The following SCD variants were observed in gnomAD, a reference collection of about 807,000 sequenced individuals.
SCD encodes acyl-CoA desaturase.
A neutral mutation model predicts 35.7 loss-of-function variants in SCD; 4 were observed. That is an observed-to-expected ratio of 0.11 (90% confidence interval 0.06 to 0.26). The LOEUF is 0.26. SCD is among the 10% of genes least tolerant of loss of function. SCD has a pLI of 1.00. For synonymous variants in SCD, 150 were observed against 170.2 expected (o/e 0.88, Z 0.92); for missense variants, 282 against 460.7 (o/e 0.61, Z 3.55).
intron 4 of SCD, 92 bp downstream of exon 4, chr10:100,354,724 C>G (rs1261717789): frequency 2.0e-6 from 2 of 1,020,072 alleles, no homozygotes; most frequent in Admixed American, 2.2e-5. Context: ...AAAATATAAG[C>G]TGAGAAATTT....
chr10:100,348,782 A>G (rs1388515242), intron 2 of SCD, among the ~76,000 whole-genome samples: 1 of 152,196 alleles, frequency 6.6e-6, no homozygotes, highest in Non-Finnish European at 1.5e-5. Context: ...GAAACTACTC[A>G]GGGAGAGAGT....
At position 100,358,573 on chromosome 10, in the gene SCD, T is replaced by C. The variant is rs566387148; in HGVS notation, c.880+1809T>C. Among the ~76,000 whole-genome samples, 9 of 119,756 alleles carry C rather than the reference T, an allele frequency of 7.5e-5. No homozygotes were observed. The South Asian group carries it at 2.5e-3, about 33-fold the overall frequency. The allele number at this position is 119,756 out of a possible 152,430, so 78.6% of individuals were successfully genotyped here. ...CGCCACTGCAGTCCGCAGTCCGGCC[T>C]GGGCGACAGAGCGAGACTCCGTCTC... is the stretch of plus-strand genomic sequence containing the variant. On this transcript the variant is annotated intron_variant, in intron 5 of 5. Coordinates refer to ENST00000370355, the MANE Select transcript of SCD (RefSeq NM_005063.5).
chr10:100,363,077 T>G lies in SCD; in HGVS notation c.*2144T>G, dbSNP rs1850005700. 1 of 152,322 alleles carries G rather than the reference T, an allele frequency of 6.6e-6. No individual in the cohort carries two copies. The highest frequency in any genetic ancestry group is 6.5e-5 in the Admixed American group (1 of 15,274). The allele number at this position is 152,322 out of a possible 1,614,324, so 9.4% of individuals were successfully genotyped here. A position where few individuals can be genotyped will look rare whatever the true frequency, so the allele number is the denominator to read the frequency against. On this transcript the variant is annotated 3_prime_UTR_variant, in exon 6 of 6. Transcript: ENST00000370355. Reference sequence around the variant, plus strand: ...AGTGCCTCACCTCGAAAGGAGGCCCTGTTCCCTGGAGTCAGGGTGAACTGC... The same window carrying G: ...AGTGCCTCACCTCGAAAGGAGGCCCGGTTCCCTGGAGTCAGGGTGAACTGC...
At position 100,353,905 on chromosome 10, in the gene SCD, G is replaced by GA. The variant is rs1849898497; in HGVS notation, c.442-518dup. Among the ~76,000 whole-genome samples, 3 of 152,240 alleles carry GA rather than the reference G, an allele frequency of 2.0e-5. No homozygotes were observed. The South Asian group carries it at 6.2e-4, about 31-fold the overall frequency. ...TCATGAAGAAGCCCAGAGGTCGTTT[G>GA]AAAATGCAGTCATGATCACGAGTTG... On this transcript the variant is annotated intron_variant, in intron 3 of 5. Coordinates refer to ENST00000370355, the MANE Select transcript of SCD (RefSeq NM_005063.5).
At position 100,352,297 on chromosome 10, in the gene SCD, G is replaced by T; in HGVS notation, c.311-69G>T. 2 of 1,502,330 alleles carry T rather than the reference G, an allele frequency of 1.3e-6. No homozygotes were observed. The highest frequency in any genetic ancestry group is 2.7e-5 in the African/African-American group (2 of 72,744). 93.1% of individuals were successfully genotyped at this position (1,502,330 alleles called of 1,614,324 possible). ...AGACAGTTTCTAGCATCCAGAGAGT[G>T]TCTCTGGCATCCTTTCCCAGATGGA... On this transcript the variant is annotated intron_variant, in intron 2 of 5. Transcript: ENST00000370355. The surrounding 1 kb of genome is among the most constrained non-coding windows in gnomAD (Gnocchi z 4.2).
In SCD at chr10:100,347,450, C is replaced by G; in HGVS notation, c.-55C>G. The G allele has an allele frequency of 6.2e-7, 1 of 1,601,834 alleles. No homozygotes were observed. Among genetic ancestry groups the G allele is most frequent in the Non-Finnish European group, 8.5e-7 (1 of 1,173,460 alleles). Reference sequence around the variant, plus strand: ...ACCGCAGTCCTCCGGCGACCCCGAACTCCGCTCCGGAGCCTCAGCCCCCTG... The same window carrying G: ...ACCGCAGTCCTCCGGCGACCCCGAAGTCCGCTCCGGAGCCTCAGCCCCCTG... On this transcript the variant is annotated 5_prime_UTR_variant, in exon 1 of 6. Coordinates refer to ENST00000370355, the MANE Select transcript of SCD (RefSeq NM_005063.5).
rs1849987064 is a variant in SCD at position 100,361,239 on chromosome 10, C to T, written c.*306C>T. 2 of 356,958 alleles carry T rather than the reference C, an allele frequency of 5.6e-6. No homozygotes were observed. Among genetic ancestry groups the T allele is most frequent in the Admixed American group, 9.2e-5 (2 of 21,742 alleles). 22.1% of individuals were successfully genotyped at this position (356,958 alleles called of 1,614,324 possible). ...GGCAAGCAGCTGGTCAGTCTTTGCT[C>T]AGTGTCCAGCTTCCAAAGCCTAGAC... On this transcript the variant is annotated 3_prime_UTR_variant, in exon 6 of 6. Coordinates refer to ENST00000370355, the MANE Select transcript of SCD (RefSeq NM_005063.5).
chr10:100,351,757 CA>C (rs1221910502), intron 2 of SCD, among the ~76,000 whole-genome samples: 1 of 152,178 alleles, frequency 6.6e-6, no homozygotes, highest in Non-Finnish European at 1.5e-5. Flanking sequence ...CCTCCCACCT[CA>C]ACCTCTTGAG....
At position 100,362,151 on chromosome 10, in the gene SCD, T is replaced by C. The variant is rs1351196841; in HGVS notation, c.*1218T>C. The C allele has an allele frequency of 2.0e-5, 3 of 152,126 alleles. No individual in the cohort carries two copies. Among genetic ancestry groups the C allele is most frequent in the African/African-American group, 7.2e-5 (3 of 41,416 alleles). 9.4% of individuals were successfully genotyped at this position (152,126 alleles called of 1,614,324 possible). ...TTCCTCTCCACTGCTGGACATGAGA[T>C]GGAGAGGCTGAGGGACAGGATCTAT... On this transcript the variant is annotated 3_prime_UTR_variant, in exon 6 of 6. Coordinates refer to ENST00000370355, the MANE Select transcript of SCD (RefSeq NM_005063.5).
chr10:100,362,322 C>A lies in SCD; in HGVS notation c.*1389C>A, dbSNP rs1463000654. The A allele has an allele frequency of 6.6e-6, 1 of 152,190 alleles. No homozygotes were observed. Among genetic ancestry groups the A allele is most frequent in the Non-Finnish European group, 1.5e-5 (1 of 68,040 alleles). 9.4% of individuals were successfully genotyped at this position (152,190 alleles called of 1,614,324 possible). On this transcript the variant is annotated 3_prime_UTR_variant, in exon 6 of 6. Coordinates refer to ENST00000370355, the MANE Select transcript of SCD (RefSeq NM_005063.5). ...CATTCATTAATTAGTTCCAGTTTCTCCTTGAAATGAGTAAAAACTAGAAGG... is the reference window on the plus strand; with the variant it reads ...CATTCATTAATTAGTTCCAGTTTCTACTTGAAATGAGTAAAAACTAGAAGG...
chr10:100,348,475 T>C (rs1287124457), intron 2 of SCD, 129 bp downstream of exon 2: 2 of 927,888 alleles, frequency 2.2e-6, no homozygotes, highest in African/African-American at 3.3e-5. Flanking sequence ...GGCATTTCTC[T>C]TTGGTTGCTT....
intron 1 of SCD, 25 bp from the exon 2 acceptor site, chr10:100,348,039 A>G (rs773129276): frequency 1.2e-6 from 2 of 1,602,566 alleles, no homozygotes; most frequent in East Asian, 2.2e-5. Flanking sequence ...TCTTCTCCTG[A>G]CTCTCCTCTT....
chr10:100,357,870 T>C (rs1385291016), intron 5 of SCD, among the ~76,000 whole-genome samples: 1 of 152,178 alleles, frequency 6.6e-6, no homozygotes, highest in East Asian at 1.9e-4. Flanking sequence ...CAGTAATTGG[T>C]GCTATTGGTC....
chr10:100,358,559 TCCGCAGTCCGG>T (rs1849954154), intron 5 of SCD, among the ~76,000 whole-genome samples: 3 of 135,544 alleles, frequency 2.2e-5, no homozygotes, highest in South Asian at 4.6e-4. Flanking sequence ...GCCACTGCAG[TCCGCAGTCCGG>T]CCTGGGCGAC....
chr10:100,353,900 C>G (rs549551465), intron 3 of SCD, among the ~76,000 whole-genome samples: 1 of 152,210 alleles, frequency 6.6e-6, no homozygotes, highest in Non-Finnish European at 1.5e-5. Context: ...GCCCAGAGGT[C>G]GTTTGAAAAT....
chr10:100,353,934 G>A (rs1182009512), intron 3 of SCD, among the ~76,000 whole-genome samples: 2 of 152,230 alleles, frequency 1.3e-5, no homozygotes, highest in Non-Finnish European at 2.9e-5. Flanking sequence ...CGAGTTGCAT[G>A]CCTGGCCTTG....
rs149115370 is a variant in SCD, at chr10:100,355,671, C to T, written c.648-861C>T. Among the ~76,000 whole-genome samples, 14 of 152,238 alleles carry T rather than the reference C, an allele frequency of 9.2e-5. No individual in the cohort carries two copies. In the East Asian group the frequency reaches 2.1e-3, roughly 23 times the overall value. On this transcript the variant is annotated intron_variant, in intron 4 of 5. Coordinates refer to ENST00000370355, the MANE Select transcript of SCD (RefSeq NM_005063.5). ...GTTAGGTAATGAGGACCCCTGCTAG[C>T]GAAGCAGTGGCAGAAATGGAGAAAA...
At chr10:100,351,520 C>G (rs1292216438) in intron 2 of SCD, among the ~76,000 whole-genome samples, 1 of 152,174 alleles carries the variant, frequency 6.6e-6, no homozygotes, top group Non-Finnish European at 1.5e-5. Flanking sequence ...TTTGGCCACA[C>G]TGACTGCTTG....
At chr10:100,357,378 G>A (rs1441683028) in intron 5 of SCD, among the ~76,000 whole-genome samples, 8 of 152,160 alleles carry the variant, frequency 5.3e-5, no homozygotes, top group Non-Finnish European at 7.4e-5. Context: ...ACTCAGATAT[G>A]CCTTGCTTTA....
Sources: allele counts gnomAD v4.1 joint callset (sites outside exome capture counted in the v4.1 genomes callset), GRCh38; gene constraint gnomAD v4.1.1; non-coding constraint Gnocchi (gnomAD v3.1); transcripts MANE v1.5; gene names NCBI Gene and HGNC (gene_info 2026-07-23, HGNC 2026-07-21).